APOOL: variants seen among roughly 807,000 people sequenced by gnomAD.
APOOL encodes the protein MICOS complex subunit MIC27.
In APOOL, 12 loss-of-function variants were observed where a neutral mutation model predicts 23.1. The observed-to-expected ratio is 0.52, with a 90% CI of 0.33 to 0.84. APOOL has a LOEUF of 0.84. Ranked by LOEUF, APOOL falls within the 40% of genes least tolerant of loss-of-function variation. APOOL has a pLI of 0.02. For synonymous variants in APOOL, 77 were observed against 69.9 expected, an observed-to-expected ratio of 1.10 and a Z score of -0.51; for missense variants, 212 against 199.6, an observed-to-expected ratio of 1.06 and a Z score of -0.37.
Position 85,067,230 on chromosome X carries a change from T to G in APOOL, c.486+12T>G. 1 of 1,065,141 alleles carries G rather than the reference T, an allele frequency of 9.4e-7. No individual in the cohort carries two copies. Among genetic ancestry groups the G allele is most frequent in the Non-Finnish European group, 1.3e-6 (1 of 788,101 alleles). 87.8% of individuals were successfully genotyped at this position (1,065,141 alleles called of 1,213,427 possible). A position where few individuals can be genotyped will look rare whatever the true frequency, so the allele number is the denominator to read the frequency against. On this transcript the variant is annotated intron_variant, in intron 6 of 8. Coordinates refer to ENST00000373173, the MANE Select transcript of APOOL (RefSeq NM_198450.6). ...TAATAATTGCTAAGGTAAGTTCTTT[T>G]TAAATAATAGCAACATTTCAGTATT...
intron 3 of APOOL, among the ~76,000 whole-genome samples, chrX:85,053,732 T>G (rs1922859076): frequency 8.9e-6 from 1 of 111,812 alleles, no homozygotes; most frequent in African/African-American, 3.2e-5. Flanking sequence ...AGTTAAAGAT[T>G]TGCTTTAAAA....
chrX:85,053,012 C>A (rs1379790222), intron 3 of APOOL, among the ~76,000 whole-genome samples: 2 of 111,523 alleles, frequency 1.8e-5, no homozygotes, highest in African/African-American at 6.5e-5. Context: ...TAAATGTAAA[C>A]AATTTTTTTT....
chrX:85,073,709 A>T (rs1923742964), intron 6 of APOOL, among the ~76,000 whole-genome samples: 1 of 111,041 alleles, frequency 9.0e-6, no homozygotes, highest in Admixed American at 9.7e-5. Flanking sequence ...AATTTTATAT[A>T]TGTCAATCTA....
At chrX:85,032,286 G>A (rs1324331326) in intron 1 of APOOL, among the ~76,000 whole-genome samples, 3 of 111,462 alleles carry the variant, frequency 2.7e-5, no homozygotes, top group Non-Finnish European at 5.7e-5. Flanking sequence ...AGGCCAAGGC[G>A]GGCCGATCAA....
At chrX:85,034,194 T>C (rs746951386) in intron 1 of APOOL, among the ~76,000 whole-genome samples, 1 of 111,527 alleles carries the variant, frequency 9.0e-6, no homozygotes, top group South Asian at 3.8e-4. Context: ...AAAATACCAT[T>C]AGTCAAGATA....
chrX:85,073,983 T>C lies in APOOL; in HGVS notation c.487-15T>C, dbSNP rs1483442190. On this transcript the variant is annotated splice_polypyrimidine_tract_variant and intron_variant, in intron 6 of 8. Transcript: ENST00000373173. Reference sequence around the variant, plus strand: ...TTAAAAATATGTTATTTGACTTACTTTTTGTTTTAATTAGGTAACAGCAAA... The same window carrying C: ...TTAAAAATATGTTATTTGACTTACTCTTTGTTTTAATTAGGTAACAGCAAA... 5 of 1,079,426 alleles carry C rather than the reference T, an allele frequency of 4.6e-6. No homozygotes were observed. In the Admixed American group the frequency reaches 1.8e-4, roughly 38 times the overall value. 89.0% of individuals were successfully genotyped at this position (1,079,426 alleles called of 1,213,427 possible).
chrX:85,068,411 T>C (rs1179833944), intron 6 of APOOL, among the ~76,000 whole-genome samples: 6 of 105,800 alleles, frequency 5.7e-5, no homozygotes, highest in African/African-American at 1.7e-4. Flanking sequence ...TTTTTTTTTT[T>C]CTTTTTTTTT....
At chrX:85,035,435 G>A (rs952297613) in intron 1 of APOOL, among the ~76,000 whole-genome samples, 1 of 110,891 alleles carries the variant, frequency 9.0e-6, no homozygotes, top group African/African-American at 3.3e-5. Flanking sequence ...CTTTTGCTGT[G>A]CACATGTTCT....
intron 1 of APOOL, among the ~76,000 whole-genome samples, chrX:85,034,254 CTCTTT>C (rs1482859309): frequency 4.5e-5 from 5 of 110,815 alleles, no homozygotes; most frequent in Admixed American, 1.9e-4. Context: ...TTTTTTTCTC[CTCTTT>C]TATTTTAGAA....
chrX:85,060,735 C>G (rs1030455913), intron 5 of APOOL, among the ~76,000 whole-genome samples: 8 of 111,534 alleles, frequency 7.2e-5, no homozygotes, highest in Non-Finnish European at 1.5e-4. Context: ...ATTTTTCTAT[C>G]CTGAGACTTT....
intron 1 of APOOL, among the ~76,000 whole-genome samples, chrX:85,033,485 C>G (rs1474776704): frequency 8.9e-6 from 1 of 111,957 alleles, no homozygotes; most frequent in East Asian, 2.8e-4. Flanking sequence ...AACCTGGATT[C>G]TCAGTAAGCT....
rs1390605555 is a variant in APOOL at position 85,089,799 on chromosome X, A to T, written c.*2121A>T. The T allele has an allele frequency of 2.7e-5, 3 of 110,932 alleles. No homozygotes were observed. Among genetic ancestry groups the T allele is most frequent in the Admixed American group, 9.6e-5 (1 of 10,378 alleles). 9.1% of individuals were successfully genotyped at this position (110,932 alleles called of 1,213,427 possible). On this transcript the variant is annotated 3_prime_UTR_variant, in exon 9 of 9. Transcript: ENST00000373173. ...CTTCAAATCTATTCTGTCTTCTCTA[A>T]TCCTATAATTACTCTCCCTCAAGTC...
chrX:85,088,093 C>CGT lies in APOOL; in HGVS notation c.*415_*416insGT, dbSNP rs1569462326. The CGT allele has an allele frequency of 0.29, 317 of 1,106 alleles. 7 individuals carry two copies. Among genetic ancestry groups the CGT allele is most frequent in the Non-Finnish European group, 0.31 (261 of 854 alleles). The allele number at this position is 1,106 out of a possible 1,213,427, so 0.1% of individuals were successfully genotyped here. Reference sequence around the variant, plus strand: ...ATACATATACATATATGTATAAATACATATACATATTTATACATATATGTA... The same window carrying CGT: ...ATACATATACATATATGTATAAATACGTATATACATATTTATACATATATGTA... On this transcript the variant is annotated 3_prime_UTR_variant, in exon 9 of 9. Coordinates refer to ENST00000373173, the MANE Select transcript of APOOL (RefSeq NM_198450.6).
intron 5 of APOOL, among the ~76,000 whole-genome samples, chrX:85,059,933 G>T (rs1433082736): frequency 3.2e-3 from 343 of 108,224 alleles, no homozygotes; most frequent in African/African-American, 0.011. Flanking sequence ...TTTGGTGTTT[G>T]AGACATGAAG....
chrX:85,017,291 GC>G (rs1294841560), intron 1 of APOOL, among the ~76,000 whole-genome samples: 8 of 111,343 alleles, frequency 7.2e-5, no homozygotes, highest in Non-Finnish European at 1.3e-4. Context: ...TTGGAGTATA[GC>G]CAGTAGTGAA....
chrX:85,063,671 G>A (rs1347152423), intron 5 of APOOL, among the ~76,000 whole-genome samples: 2 of 111,228 alleles, frequency 1.8e-5, no homozygotes, highest in African/African-American at 3.3e-5. Context: ...TACATTTATT[G>A]ATTTTGCATA....
At position 85,092,396 on chromosome X, in the gene APOOL, C is replaced by G; in HGVS notation, c.*4718C>G. 1.7e-6 allele frequency: 2 copies of G among 1,164,807 alleles called. No individual in the cohort carries two copies. Among genetic ancestry groups the G allele is most frequent in the Non-Finnish European group, 2.3e-6 (2 of 872,808 alleles). On this transcript the variant is annotated 3_prime_UTR_variant, in exon 9 of 9. Coordinates refer to ENST00000373173, the MANE Select transcript of APOOL (RefSeq NM_198450.6). ...GAGTTGTTACAAAGCCTCTTTCATT[C>G]TTCCCATGCCATGTCCAGGAGTTCT...
At chrX:85,079,580 G>T (rs1376660819) in intron 8 of APOOL, among the ~76,000 whole-genome samples, 2 of 111,531 alleles carry the variant, frequency 1.8e-5, no homozygotes, top group East Asian at 5.6e-4. Context: ...GCCAGGGTTT[G>T]GTATCAGGAT....
At chrX:85,012,318 G>A (rs1301243747) in intron 1 of APOOL, among the ~76,000 whole-genome samples, 2 of 111,016 alleles carry the variant, frequency 1.8e-5, no homozygotes, top group African/African-American at 6.5e-5. Flanking sequence ...CCTCTTTTCT[G>A]ATTTGGGTGC....
Sources: gnomAD v4.1 joint callset for allele counts (sites outside exome capture counted in the v4.1 genomes callset) on GRCh38, gnomAD v4.1.1 for gene constraint, MANE v1.5 for transcripts, NCBI Gene and HGNC (gene_info 2026-07-23, HGNC 2026-07-21) for gene names.